IQUB: variants seen among roughly 807,000 people sequenced by gnomAD.
IQUB encodes IQ motif and ubiquitin-like domain-containing protein.
IQUB carries 86 observed loss-of-function variants against 86.4 expected under a neutral mutation model. That is an observed-to-expected ratio of 1.00 (90% CI 0.84 to 1.19). The LOEUF (loss-of-function observed/expected upper bound fraction) is 1.19. IQUB is among the 50% of genes most tolerant of loss of function. The probability of loss-of-function intolerance (pLI) is 0.00; values close to 1 mark genes in which losing one functional copy is unlikely to be tolerated. For synonymous variants in IQUB, 289 were observed against 304.5 expected, an observed-to-expected ratio of 0.95 and a Z score of 0.53; for missense variants, 946 against 916.9, an observed-to-expected ratio of 1.03 and a Z score of -0.41.
At position 123,527,733 on chromosome 7, in the gene IQUB, A is replaced by C. The variant is rs1305973368; in HGVS notation, c.-5+6759T>G. ...CTCTCTTCAAAGCTGTCAGACAGGG[A>C]CATTTAAGTCTGCAGAGTTTACTGC... On this transcript the variant is annotated intron_variant, in intron 1 of 12. Transcript: ENST00000324698. 5.9e-5 allele frequency among the ~76,000 whole-genome samples: 9 copies of C among 152,160 alleles called. No homozygotes were observed. The East Asian group carries it at 9.7e-4, about 16-fold the overall frequency.
chr7:123,507,063 T>A (rs984629149), intron 3 of IQUB, among the ~76,000 whole-genome samples: 1 of 152,190 alleles, frequency 6.6e-6, no homozygotes, highest in Admixed American at 6.5e-5. Flanking sequence ...ATCTTCAAAT[T>A]TATGGCCCTT....
intron 7 of IQUB, among the ~76,000 whole-genome samples, chr7:123,494,851 T>C (rs1252799414): frequency 3.9e-5 from 6 of 152,128 alleles, no homozygotes; most frequent in Non-Finnish European, 7.4e-5. Context: ...TTGTCCTAAT[T>C]AACACCACTA....
chr7:123,508,745 C>T (rs1796296966), intron 3 of IQUB, among the ~76,000 whole-genome samples: 1 of 152,214 alleles, frequency 6.6e-6, no homozygotes, highest in Non-Finnish European at 1.5e-5. Flanking sequence ...GTCATACCTA[C>T]ATTTAAGTTC....
chr7:123,465,041 AT>A, intron 9 of IQUB, 32 bp from the exon 10 acceptor site: 1 of 1,378,476 alleles, frequency 7.3e-7, no homozygotes, highest in Non-Finnish European at 9.9e-7. Context: ...ATGGTATAAA[AT>A]TTTACAAATC....
chr7:123,452,605 TA>T lies in IQUB; in HGVS notation c.*137del, dbSNP rs1340665142. ...CTTATATAGAAATGTTTTCTCTTTA[TA>T]TAACTCAAAATACTATGAAAAACAA... On this transcript the variant is annotated 3_prime_UTR_variant, in exon 13 of 13. Coordinates refer to ENST00000324698, the MANE Select transcript of IQUB (RefSeq NM_178827.5). The T allele has an allele frequency of 2.1e-5, 10 of 472,722 alleles. No individual in the cohort carries two copies. Among genetic ancestry groups the T allele is most frequent in the Non-Finnish European group, 3.2e-5 (9 of 280,134 alleles). 29.3% of individuals were successfully genotyped at this position (472,722 alleles called of 1,614,324 possible).
At chr7:123,515,007 A>G (rs1207162121) in intron 1 of IQUB, among the ~76,000 whole-genome samples, 1 of 152,236 alleles carries the variant, frequency 6.6e-6, no homozygotes, top group Non-Finnish European at 1.5e-5. Context: ...TTTCAAAACA[A>G]TCAAGAGGGA....
chr7:123,502,486 C>G (rs1795988047), intron 6 of IQUB, 111 bp downstream of exon 6: 1 of 895,264 alleles, frequency 1.1e-6, no homozygotes, highest in Non-Finnish European at 1.8e-6. Context: ...ATGACCCATA[C>G]TCATGAGCAT....
At position 123,503,198 on chromosome 7, in the gene IQUB, G is replaced by A. The variant is rs768090360; in HGVS notation, c.694+4C>T. 72 of 1,608,582 alleles carry A rather than the reference G, an allele frequency of 4.5e-5. No homozygotes were observed. The highest frequency in any genetic ancestry group is 6.7e-5 in the East Asian group (3 of 44,796). ...CTTTATCTAAAAGACATCAAATAAC[G>A]AACCAGTTTGGACAGTGACAGTTAT... On this transcript the variant is annotated splice_donor_region_variant and intron_variant, in intron 4 of 12. Transcript: ENST00000324698.
chr7:123,479,615 C>G (rs1440793844), intron 8 of IQUB, among the ~76,000 whole-genome samples, 180 bp downstream of exon 8: 3 of 152,016 alleles, frequency 2.0e-5, no homozygotes, highest in African/African-American at 4.8e-5. Flanking sequence ...TTACTCTAGG[C>G]TGCTATTAAA....
chr7:123,478,384 G>C (rs1794840627), intron 8 of IQUB, among the ~76,000 whole-genome samples: 1 of 152,006 alleles, frequency 6.6e-6, no homozygotes, highest in South Asian at 2.1e-4. Flanking sequence ...AGAACACTTG[G>C]ACCCAGGGTG....
chr7:123,500,178 A>G (rs868209788), intron 6 of IQUB, among the ~76,000 whole-genome samples: 1 of 152,220 alleles, frequency 6.6e-6, no homozygotes, highest in African/African-American at 2.4e-5. Context: ...TCTGTGGAGT[A>G]GCCATTCTTT....
At chr7:123,457,250 G>T (rs757196742) in intron 12 of IQUB, 131 bp downstream of exon 12, 2 of 1,421,944 alleles carry the variant, frequency 1.4e-6, no homozygotes, top group South Asian at 1.5e-5. Flanking sequence ...TTTTTTTGTT[G>T]TTAATCCATA....
intron 8 of IQUB, among the ~76,000 whole-genome samples, chr7:123,473,432 T>C (rs1794618949): frequency 6.6e-6 from 1 of 152,200 alleles, no homozygotes; most frequent in South Asian, 2.1e-4. Flanking sequence ...AAAAACATCT[T>C]ACAGAAATTC....
chr7:123,493,731 ATGTGTGTG>A lies in IQUB; in HGVS notation c.1234+2957_1234+2964del, dbSNP rs71161484. Among the ~76,000 whole-genome samples the A allele has an allele frequency of 3.1e-3, 344 of 112,662 alleles. 2 individuals carry two copies. The highest frequency in any genetic ancestry group is 9.6e-3 in the African/African-American group (317 of 32,880). 73.9% of individuals were successfully genotyped at this position (112,662 alleles called of 152,430 possible). A position where few individuals can be genotyped will look rare whatever the true frequency, so the allele number is the denominator to read the frequency against. On this transcript the variant is annotated intron_variant, in intron 7 of 12. Transcript: ENST00000324698. ...TACACCCTGAGAGAAATGTGTGTGT[ATGTGTGTG>A]TGTGTGTGTGTGTGTGTGTGTGTGT...
chr7:123,465,638 T>C (rs1041505010), intron 9 of IQUB, among the ~76,000 whole-genome samples: 1 of 151,968 alleles, frequency 6.6e-6, no homozygotes, highest in Non-Finnish European at 1.5e-5. Flanking sequence ...GTCCTCCAAT[T>C]GCCCAAGGGA....
intron 7 of IQUB, among the ~76,000 whole-genome samples, chr7:123,485,170 C>A (rs1795167185): frequency 6.6e-6 from 1 of 152,076 alleles, no homozygotes. Context: ...TTTATTTCGT[C>A]AAAATTCTGG....
At chr7:123,479,224 A>G (rs1307779080) in intron 8 of IQUB, among the ~76,000 whole-genome samples, 1 of 152,158 alleles carries the variant, frequency 6.6e-6, no homozygotes, top group Non-Finnish European at 1.5e-5. Flanking sequence ...ATGGAAACAG[A>G]CTATTCAATA....
chr7:123,522,630 G>A (rs1053491503), intron 1 of IQUB, among the ~76,000 whole-genome samples: 2 of 152,024 alleles, frequency 1.3e-5, no homozygotes, highest in Admixed American at 6.6e-5. Flanking sequence ...TTTCCAAATG[G>A]CTAATGATAA....
At chr7:123,527,202 A>T (rs1425590314) in intron 1 of IQUB, among the ~76,000 whole-genome samples, 1 of 152,024 alleles carries the variant, frequency 6.6e-6, no homozygotes, top group Non-Finnish European at 1.5e-5. Context: ...TGGTTATTGT[A>T]GTTATACATT....
Sources: allele counts gnomAD v4.1 joint callset (sites outside exome capture counted in the v4.1 genomes callset), GRCh38; gene constraint gnomAD v4.1.1; transcripts MANE v1.5; gene names NCBI Gene and HGNC (gene_info 2026-07-23, HGNC 2026-07-21).